PDZRN4: variants seen among roughly 807,000 people sequenced by gnomAD.
PDZRN4 encodes the protein PDZ domain containing ring finger 4, also known as PDZ domain-containing RING finger protein 4.
Under a neutral mutation model 99.0 loss-of-function variants are expected in PDZRN4, and 70 were observed. That is an observed-to-expected ratio of 0.71 (90% CI 0.58 to 0.86). PDZRN4 has a LOEUF of 0.86. Among genes scored for constraint, PDZRN4 ranks in the 40% least tolerant of loss-of-function variants. PDZRN4 has a pLI of 0.00. For synonymous variants in PDZRN4, 551 were observed against 501.6 expected, an observed-to-expected ratio of 1.10 and a Z score of -1.32; for missense variants, 1,474 against 1,331.2, an observed-to-expected ratio of 1.11 and a Z score of -1.67.
intron 3 of PDZRN4, among the ~76,000 whole-genome samples, chr12:41,284,080 C>T (rs1293241836): frequency 2.0e-5 from 3 of 152,154 alleles, no homozygotes; most frequent in Non-Finnish European, 2.9e-5. Flanking sequence ...TCTCTGTTTG[C>T]AGATGACATG....
chr12:41,481,875 C>A (rs1937679077), intron 3 of PDZRN4, among the ~76,000 whole-genome samples: 1 of 152,064 alleles, frequency 6.6e-6, no homozygotes, highest in South Asian at 2.1e-4. Context: ...GTAGAGTAAG[C>A]ATTTACTAGA....
intron 3 of PDZRN4, among the ~76,000 whole-genome samples, chr12:41,323,649 A>G (rs547633871): frequency 1.3e-5 from 2 of 152,076 alleles, no homozygotes; most frequent in South Asian, 4.1e-4. Flanking sequence ...ACAGTCATAA[A>G]ATTATTTATA....
chr12:41,545,199 G>A (rs768987828), intron 5 of PDZRN4, among the ~76,000 whole-genome samples: 5 of 152,210 alleles, frequency 3.3e-5, no homozygotes, highest in East Asian at 1.9e-4. Flanking sequence ...TCATCCTTCC[G>A]TGATCTGGCC....
In PDZRN4 at chr12:41,468,660, A is replaced by AT. The variant is rs145221769; in HGVS notation, c.844-37789dup. Among the ~76,000 whole-genome samples, 719 of 152,222 alleles carry AT rather than the reference A, an allele frequency of 4.7e-3. 4 individuals are homozygous for AT. The highest frequency in any genetic ancestry group is 0.016 in the African/African-American group (670 of 41,556). On this transcript the variant is annotated intron_variant, in intron 3 of 9. Coordinates refer to ENST00000402685, the MANE Select transcript of PDZRN4 (RefSeq NM_001164595.2). ...TTTTGAGTTGTAGAAACTATGATTA[A>AT]TTTTTTTAACTTTATGGGTCTTTCT...
Position 41,238,335 on chromosome 12 carries a change from CTT to C in PDZRN4, c.843+44149_843+44150del, listed in dbSNP as rs1164615348. ...TGCACATCGATTTTGTATCCTGAGA[CTT>C]TGCAGAAGTTGCTTATCAGGTTAAA... On this transcript the variant is annotated intron_variant, in intron 3 of 9. Coordinates refer to ENST00000402685, the MANE Select transcript of PDZRN4 (RefSeq NM_001164595.2). Among the ~76,000 whole-genome samples, 4 of 152,008 alleles carry C rather than the reference CTT, an allele frequency of 2.6e-5. No individual in the cohort carries two copies. In the South Asian group the frequency reaches 8.3e-4, roughly 31 times the overall value.
At chr12:41,468,404 G>T (rs922860151) in intron 3 of PDZRN4, among the ~76,000 whole-genome samples, 1 of 152,136 alleles carries the variant, frequency 6.6e-6, no homozygotes, top group Non-Finnish European at 1.5e-5. Context: ...GAGTATGTTT[G>T]CCCTCTGTAT....
intron 3 of PDZRN4, among the ~76,000 whole-genome samples, chr12:41,364,947 C>T (rs188318198): frequency 7.2e-5 from 11 of 152,146 alleles, no homozygotes; most frequent in African/African-American, 2.7e-4. Context: ...TGTTAACATG[C>T]ATTTTCTCTG....
chr12:41,349,296 A>G lies in PDZRN4; in HGVS notation c.843+155108A>G, dbSNP rs1279404168. ...GACTATAAGAAGGGGAATTTCCACT[A>G]CAATTTAGTCAAGTGAAATACTTTA... is the stretch of plus-strand genomic sequence containing the variant. On this transcript the variant is annotated intron_variant, in intron 3 of 9. Transcript: ENST00000402685. Among the ~76,000 whole-genome samples the G allele has an allele frequency of 4.6e-5, 7 of 151,870 alleles. No homozygotes were observed. In the East Asian group the frequency reaches 1.2e-3, roughly 25 times the overall value.
chr12:41,459,642 G>A (rs1037095845), intron 3 of PDZRN4, among the ~76,000 whole-genome samples: 37 of 152,204 alleles, frequency 2.4e-4, no homozygotes, highest in African/African-American at 8.9e-4. Flanking sequence ...TTTATAAACA[G>A]ACTTATATAC....
At chr12:41,310,450 TA>T (rs1951599263) in intron 3 of PDZRN4, among the ~76,000 whole-genome samples, 1 of 152,146 alleles carries the variant, frequency 6.6e-6, no homozygotes, top group African/African-American at 2.4e-5. Flanking sequence ...CTTTCAGTAT[TA>T]AAGAGCTCTA....
chr12:41,571,255 T>A (rs1939466861), intron 9 of PDZRN4, among the ~76,000 whole-genome samples: 1 of 150,822 alleles, frequency 6.6e-6, no homozygotes. Context: ...TTTACCATAT[T>A]CACAGAGAAA....
At chr12:41,306,025 T>C (rs1004934813) in intron 3 of PDZRN4, among the ~76,000 whole-genome samples, 3 of 152,196 alleles carry the variant, frequency 2.0e-5, no homozygotes, top group Non-Finnish European at 4.4e-5. Context: ...AGTACAGGCA[T>C]TCTCATTCCA....
At chr12:41,501,343 A>T (rs1253033116) in intron 3 of PDZRN4, among the ~76,000 whole-genome samples, 1 of 152,166 alleles carries the variant, frequency 6.6e-6, no homozygotes, top group Non-Finnish European at 1.5e-5. Context: ...TTGTTTTCTG[A>T]TATCCAAGAA....
chr12:41,482,174 C>G (rs1937683235), intron 3 of PDZRN4, among the ~76,000 whole-genome samples: 2 of 152,134 alleles, frequency 1.3e-5, no homozygotes, highest in Non-Finnish European at 2.9e-5. Flanking sequence ...GGGGCTGCCA[C>G]AGCTGTAAGC....
At chr12:41,281,561 C>T (rs887339540) in intron 3 of PDZRN4, among the ~76,000 whole-genome samples, 6 of 152,094 alleles carry the variant, frequency 3.9e-5, no homozygotes, top group South Asian at 2.1e-4. Context: ...ACAAGAACTT[C>T]GCAAAGCATA....
At chr12:41,477,822 G>C (rs1937618553) in intron 3 of PDZRN4, 2 of 1,221,524 alleles carry the variant, frequency 1.6e-6, no homozygotes, top group African/African-American at 3.0e-5. Context: ...TAATGATTTT[G>C]ATTATGAAAT....
intron 3 of PDZRN4, among the ~76,000 whole-genome samples, chr12:41,217,657 C>T (rs2120715341): frequency 6.6e-6 from 1 of 152,200 alleles, no homozygotes; most frequent in African/African-American, 2.4e-5. Context: ...AGACTATTCT[C>T]TGGGTAAAAC....
intron 3 of PDZRN4, among the ~76,000 whole-genome samples, chr12:41,208,590 T>A (rs1271812035): frequency 1.3e-5 from 2 of 152,008 alleles, no homozygotes; most frequent in Admixed American, 1.3e-4. Context: ...ATCTCTACTA[T>A]ATCCAGATTA....
intron 3 of PDZRN4, among the ~76,000 whole-genome samples, chr12:41,497,176 G>A (rs1216511493): frequency 6.6e-6 from 1 of 152,098 alleles, no homozygotes; most frequent in Non-Finnish European, 1.5e-5. Flanking sequence ...CAAGGGCTAA[G>A]AGCACATTTC....
Sources: allele counts gnomAD v4.1 joint callset (sites outside exome capture counted in the v4.1 genomes callset), GRCh38; gene constraint gnomAD v4.1.1; transcripts MANE v1.5; gene names NCBI Gene and HGNC (gene_info 2026-07-23, HGNC 2026-07-21).